Variants in LRP1B observed in about 807,000 individuals in gnomAD.
LRP1B encodes the protein LDL receptor related protein 1B.
Under a neutral mutation model 556.6 loss-of-function variants are expected in LRP1B, and 217 were observed. The ratio of observed to expected loss-of-function variants is 0.39; its 90% CI spans 0.35 to 0.44. The LOEUF (loss-of-function observed/expected upper bound fraction) is 0.44. LRP1B is among the 20% of genes least tolerant of loss of function. LRP1B has a pLI of 1.00. For missense variants in LRP1B, 5,053 were observed against 5,620.8 expected (o/e 0.90, Z 3.23); for synonymous variants, 2,047 against 1,865.8 (o/e 1.10, Z -2.50).
At position 140,297,959 on chromosome 2, in the gene LRP1B, G is replaced by T; in HGVS notation, c.12816C>A (p.Thr4272=). ...TCVPSVLGRP[T]CSCALGFTGP... The stretch of plus-strand genomic sequence containing the variant: ...CAGTGAAACCCAGTGCACAGCTGCA[G>T]GTGGGTCTCCCTATTGGAAACAATA... The change falls in exon 84 of 91, where the codon ACC becomes ACA. Residue 4272 remains threonine (T), a synonymous_variant. Transcript: ENST00000389484. 6.2e-7 allele frequency: 1 copy of T among 1,608,018 alleles called. No individual in the cohort carries two copies. Among genetic ancestry groups the T allele is most frequent in the South Asian group, 1.1e-5 (1 of 90,568 alleles).
At chr2:141,110,990 C>T (rs1005618986) in intron 7 of LRP1B, among the ~76,000 whole-genome samples, 4 of 152,154 alleles carry the variant, frequency 2.6e-5, no homozygotes, top group African/African-American at 9.7e-5. Context: ...TAGCCTCTTC[C>T]ATTCAACAGT....
chr2:140,570,316 C>T (rs1346428143), intron 43 of LRP1B, among the ~76,000 whole-genome samples: 1 of 150,068 alleles, frequency 6.7e-6, no homozygotes, highest in Non-Finnish European at 1.5e-5. Context: ...AACAAAAGAC[C>T]CCAAAAATCA....
At position 141,709,647 on chromosome 2, in the gene LRP1B, T is replaced by A. The variant is rs114730129; in HGVS notation, c.205+100632A>T. On this transcript the variant is annotated intron_variant, in intron 2 of 90. Transcript: ENST00000389484. ...AAATGTGTACATCAGATTATCAGAATCTTTTCTGAGAGTAGATTGATAAAA... is the reference window on the plus strand; with the variant it reads ...AAATGTGTACATCAGATTATCAGAAACTTTTCTGAGAGTAGATTGATAAAA... Among the ~76,000 whole-genome samples the A allele has an allele frequency of 1.9e-3, 291 of 152,278 alleles. 2 individuals are homozygous for A. The highest frequency in any genetic ancestry group is 6.4e-3 in the African/African-American group (264 of 41,568).
intron 83 of LRP1B, among the ~76,000 whole-genome samples, chr2:140,307,300 A>C (rs558863116): frequency 6.6e-6 from 1 of 152,064 alleles, no homozygotes; most frequent in South Asian, 2.1e-4. Context: ...ACATGGCACA[A>C]TGCCTGCCAC....
chr2:140,572,576 A>G (rs971470796), intron 43 of LRP1B, among the ~76,000 whole-genome samples: 1 of 151,688 alleles, frequency 6.6e-6, no homozygotes, highest in Admixed American at 6.6e-5. Flanking sequence ...GAAGGGTCTC[A>G]AAAAATAAAA....
intron 55 of LRP1B, among the ~76,000 whole-genome samples, chr2:140,500,383 TTAGA>T (rs898935463): frequency 1.5e-4 from 23 of 152,052 alleles, no homozygotes; most frequent in African/African-American, 4.8e-4. Context: ...GAATTTACTG[TTAGA>T]TAGAACTGGC....
intron 3 of LRP1B, among the ~76,000 whole-genome samples, chr2:141,401,862 A>T (rs912451046): frequency 1.3e-5 from 2 of 152,132 alleles, no homozygotes; most frequent in African/African-American, 4.8e-5. Flanking sequence ...TTTGCTGGAA[A>T]ATTTCCTATT....
chr2:141,973,035 T>G (rs1258513679), intron 1 of LRP1B, among the ~76,000 whole-genome samples: 2 of 151,696 alleles, frequency 1.3e-5, no homozygotes, highest in Non-Finnish European at 3.0e-5. Context: ...GTACTTATAG[T>G]ACTTCAGACT....
chr2:141,026,174 A>G (rs1431121646), intron 11 of LRP1B, among the ~76,000 whole-genome samples: 1 of 152,132 alleles, frequency 6.6e-6, no homozygotes, highest in African/African-American at 2.4e-5. Context: ...AATTTATAAA[A>G]GTAAAACACT....
chr2:141,964,539 C>T (rs941923289), intron 1 of LRP1B, among the ~76,000 whole-genome samples: 67 of 151,984 alleles, frequency 4.4e-4, no homozygotes, highest in African/African-American at 1.5e-3. Context: ...ACTGGCTAGC[C>T]ATATGTACAA....
intron 7 of LRP1B, among the ~76,000 whole-genome samples, chr2:141,111,067 T>C (rs1356054880): frequency 6.6e-6 from 1 of 152,176 alleles, no homozygotes; most frequent in Non-Finnish European, 1.5e-5. Flanking sequence ...TGAAATAAGC[T>C]AAATCAGTCC....
At chr2:142,030,267 TGA>T (rs1171357481) in intron 1 of LRP1B, among the ~76,000 whole-genome samples, 5 of 151,932 alleles carry the variant, frequency 3.3e-5, no homozygotes, top group Middle Eastern at 3.2e-3. Context: ...TATAAAAGGA[TGA>T]GTCATTAAAA....
At chr2:142,065,414 C>T (rs896419383) in intron 1 of LRP1B, among the ~76,000 whole-genome samples, 3 of 150,974 alleles carry the variant, frequency 2.0e-5, no homozygotes, top group Non-Finnish European at 3.0e-5. Context: ...TAATTGATGC[C>T]TTCCTGCTTG....
rs536870412 is a variant in LRP1B at position 140,583,456 on chromosome 2, G to A, written c.7194+15175C>T. The stretch of plus-strand genomic sequence containing the variant: ...CTCCCAAACTGCTGGTATTACAGGC[G>A]TGAGCCACTGTGCCCAGCCAGTTTC... On this transcript the variant is annotated intron_variant, in intron 43 of 90. Coordinates refer to ENST00000389484, the MANE Select transcript of LRP1B (RefSeq NM_018557.3). Among the ~76,000 whole-genome samples the A allele has an allele frequency of 8.6e-5, 13 of 151,862 alleles. 1 individual carries two copies. The highest frequency in any genetic ancestry group is 6.2e-4 in the South Asian group (3 of 4,806).
intron 2 of LRP1B, among the ~76,000 whole-genome samples, chr2:141,781,227 A>G (rs754258017): frequency 4.6e-5 from 7 of 152,164 alleles, no homozygotes; most frequent in Admixed American, 2.0e-4. Context: ...CTTATTTTTG[A>G]GACAAGGTAT....
At chr2:141,541,578 C>T (rs1685261835) in intron 2 of LRP1B, among the ~76,000 whole-genome samples, 1 of 152,002 alleles carries the variant, frequency 6.6e-6, no homozygotes, top group South Asian at 2.1e-4. Flanking sequence ...AGATTGAGCA[C>T]AATCCTTATA....
At chr2:141,227,703 C>G (rs1032935513) in intron 6 of LRP1B, among the ~76,000 whole-genome samples, 9 of 151,938 alleles carry the variant, frequency 5.9e-5, no homozygotes, top group African/African-American at 1.9e-4. Flanking sequence ...AAAATTATAC[C>G]TGTATGTCCT....
intron 3 of LRP1B, among the ~76,000 whole-genome samples, chr2:141,474,010 T>C (rs1682591081): frequency 1.0e-5 from 1 of 95,686 alleles, no homozygotes; most frequent in Non-Finnish European, 2.2e-5. Context: ...ATTCCTTCCT[T>C]CCTTCCTTCC....
intron 1 of LRP1B, among the ~76,000 whole-genome samples, chr2:141,967,726 C>A (rs965648875): frequency 4.0e-5 from 6 of 151,738 alleles, no homozygotes; most frequent in African/African-American, 1.5e-4. Context: ...ATTTATAACA[C>A]CTTCTGCTTA....
Sources: gnomAD v4.1 joint callset for allele counts (sites outside exome capture counted in the v4.1 genomes callset) on GRCh38, gnomAD v4.1.1 for gene constraint, MANE v1.5 for transcripts, NCBI Gene and HGNC (gene_info 2026-07-23, HGNC 2026-07-21) for gene names.